Variants in MRPL3 observed in about 807,000 individuals in gnomAD.
MRPL3 encodes large ribosomal subunit protein uL3m.
Under a neutral mutation model 44.3 loss-of-function variants are expected in MRPL3, and 43 were observed. That is an observed-to-expected ratio of 0.97 (90% confidence interval 0.76 to 1.25). MRPL3 has a LOEUF of 1.25. Among genes scored for constraint, MRPL3 ranks in the 50% most tolerant of loss-of-function variants. MRPL3 has a pLI of 0.00. For synonymous variants in MRPL3, 171 were observed against 152.3 expected, an observed-to-expected ratio of 1.12 and a Z score of -0.91; for missense variants, 406 against 427.6, an observed-to-expected ratio of 0.95 and a Z score of 0.45.
At chr3:131,479,944 T>TA (rs1424533947) in intron 6 of MRPL3, among the ~76,000 whole-genome samples, 2 of 152,202 alleles carry the variant, frequency 1.3e-5, no homozygotes, top group East Asian at 3.9e-4. Flanking sequence ...TCTGGTAGGA[T>TA]ATAATAATCA....
intron 7 of MRPL3, among the ~76,000 whole-genome samples, chr3:131,470,538 C>T (rs1173594788): frequency 2.0e-5 from 3 of 152,044 alleles, no homozygotes; most frequent in Non-Finnish European, 4.4e-5. Context: ...CTGAGTATTA[C>T]AGACTAAGTA....
At chr3:131,475,610 A>T (rs974709179) in intron 6 of MRPL3, among the ~76,000 whole-genome samples, 2 of 152,252 alleles carry the variant, frequency 1.3e-5, no homozygotes, top group Non-Finnish European at 2.9e-5. Flanking sequence ...CTTCACATTA[A>T]GCCTGTGAAC....
intron 5 of MRPL3, chr3:131,488,637 T>C (rs554618405): frequency 1.0e-3 from 158 of 152,202 alleles, no homozygotes; most frequent in African/African-American, 3.6e-3. Context: ...TCAAATAAGA[T>C]ACATTTTTTT....
intron 9 of MRPL3, among the ~76,000 whole-genome samples, chr3:131,467,747 T>C (rs1933645246): frequency 6.6e-6 from 1 of 152,164 alleles, no homozygotes; most frequent in African/African-American, 2.4e-5. Context: ...CTTTTATTTA[T>C]AAATTACCCA....
chr3:131,464,500 A>T (rs765532886), intron 9 of MRPL3, among the ~76,000 whole-genome samples: 1 of 152,120 alleles, frequency 6.6e-6, no homozygotes, highest in Non-Finnish European at 1.5e-5. Context: ...AGACTCCCTC[A>T]ATTATCTACC....
At chr3:131,463,932 G>A (rs1037610581) in intron 9 of MRPL3, among the ~76,000 whole-genome samples, 1 of 152,054 alleles carries the variant, frequency 6.6e-6, no homozygotes, top group Non-Finnish European at 1.5e-5. Flanking sequence ...TGAATAATTT[G>A]GTTGAAATAA....
intron 6 of MRPL3, among the ~76,000 whole-genome samples, chr3:131,485,705 T>C (rs1305458639): frequency 6.6e-6 from 1 of 152,150 alleles, no homozygotes; most frequent in African/African-American, 2.4e-5. Flanking sequence ...ACTCATCTTA[T>C]TACCAATCTA....
chr3:131,479,167 A>G, intron 6 of MRPL3: 1 of 519,118 alleles, frequency 1.9e-6, no homozygotes, highest in Non-Finnish European at 3.8e-6. Flanking sequence ...ACTCCAAATT[A>G]TTCTTGCATA....
In MRPL3 at chr3:131,462,827, G is replaced by A; in HGVS notation, c.943C>T (p.Pro315Ser). The A allele has an allele frequency of 6.2e-7, 1 of 1,612,206 alleles. No individual in the cohort carries two copies. Among genetic ancestry groups the A allele is most frequent in the Non-Finnish European group, 8.5e-7 (1 of 1,178,856 alleles). ...CCATCAGGAAAATATGTAGGGAATG[G>A]TAGATTTTTACCGAGATCCTTATAT... is the stretch of plus-strand genomic sequence containing the variant. ...PAYKDLGKNL[P>S]FPTYFPDGDE... Residue 315 changes from proline to serine, a missense_variant, in exon 10 of 10, where the codon CCA becomes TCA. Coordinates refer to ENST00000264995, the MANE Select transcript of MRPL3 (RefSeq NM_007208.4).
At chr3:131,483,437 T>C (rs1454838536) in intron 6 of MRPL3, among the ~76,000 whole-genome samples, 1 of 152,192 alleles carries the variant, frequency 6.6e-6, no homozygotes, top group African/African-American at 2.4e-5. Flanking sequence ...CCATACAATC[T>C]AAATAAAATT....
chr3:131,493,458 ATGC>A (rs1934301524), intron 4 of MRPL3, among the ~76,000 whole-genome samples: 1 of 152,240 alleles, frequency 6.6e-6, no homozygotes, highest in Non-Finnish European at 1.5e-5. Flanking sequence ...GTTGGTCAGC[ATGC>A]TGACCTGTGA....
chr3:131,487,439 A>T, intron 6 of MRPL3: 1 of 383,192 alleles, frequency 2.6e-6, no homozygotes, highest in Non-Finnish European at 4.7e-6. Flanking sequence ...CCTAGAACTT[A>T]AAGTATAATA....
At position 131,476,969 on chromosome 3, in the gene MRPL3, C is replaced by T. The variant is rs572801091; in HGVS notation, c.630-5690G>A. Reference sequence around the variant, plus strand: ...GATGGTTTGAAGAAAAGGGGAGAAGCTTAAAGGTATGGCTAATAATCCTGC... The same window carrying T: ...GATGGTTTGAAGAAAAGGGGAGAAGTTTAAAGGTATGGCTAATAATCCTGC... On this transcript the variant is annotated intron_variant, in intron 6 of 9. Transcript: ENST00000264995. 7.9e-5 allele frequency among the ~76,000 whole-genome samples: 12 copies of T among 152,280 alleles called. 1 individual carries two copies. The highest frequency in any genetic ancestry group is 2.9e-4 in the African/African-American group (12 of 41,564).
At chr3:131,477,004 T>C (rs1250690562) in intron 6 of MRPL3, among the ~76,000 whole-genome samples, 3 of 152,162 alleles carry the variant, frequency 2.0e-5, no homozygotes, top group African/African-American at 7.2e-5. Context: ...CAGAAGGGAA[T>C]GCACAATTTA....
intron 4 of MRPL3, among the ~76,000 whole-genome samples, chr3:131,492,918 T>G (rs1293161687): frequency 6.6e-6 from 1 of 152,206 alleles, no homozygotes. Flanking sequence ...TTATAATTCC[T>G]GGGTCTTCCC....
chr3:131,462,613 T>C lies in MRPL3; in HGVS notation c.*110A>G. On this transcript the variant is annotated 3_prime_UTR_variant, in exon 10 of 10. Coordinates refer to ENST00000264995, the MANE Select transcript of MRPL3 (RefSeq NM_007208.4). ...TTATGCCCTTGACAAAGATGACATGTGTGATTTTGTTGTGACTAAGAAAGG... is the reference window on the plus strand; with the variant it reads ...TTATGCCCTTGACAAAGATGACATGCGTGATTTTGTTGTGACTAAGAAAGG... 9.7e-7 allele frequency: 1 copy of C among 1,036,258 alleles called. No homozygotes were observed. The highest frequency in any genetic ancestry group is 1.4e-6 in the Non-Finnish European group (1 of 732,078). 64.2% of individuals were successfully genotyped at this position (1,036,258 alleles called of 1,614,324 possible).
chr3:131,473,229 G>A (rs1411235780), intron 6 of MRPL3, among the ~76,000 whole-genome samples: 2 of 152,026 alleles, frequency 1.3e-5, no homozygotes, highest in Non-Finnish European at 2.9e-5. Flanking sequence ...CAGAACAACG[G>A]AACAGAACAG....
chr3:131,477,794 C>T (rs963635124), intron 6 of MRPL3, among the ~76,000 whole-genome samples: 1 of 152,200 alleles, frequency 6.6e-6, no homozygotes, highest in African/African-American at 2.4e-5. Context: ...AATTTCTTAA[C>T]ATCGGTGTTT....
In MRPL3 at chr3:131,501,639, T is replaced by C; in HGVS notation, c.169A>G (p.Asn57Asp). 8.1e-6 allele frequency: 13 copies of C among 1,613,470 alleles called. No homozygotes were observed. Among genetic ancestry groups the C allele is most frequent in the Non-Finnish European group, 1.1e-5 (13 of 1,179,982 alleles). ...ACCAACTGCTTAATGAATGGGACATTTTCTTCAGAAAGATGCTCATCCCAC... is the reference window on the plus strand; with the variant it reads ...ACCAACTGCTTAATGAATGGGACATCTTCTTCAGAAAGATGCTCATCCCAC... ...TWWDEHLSEENVPFIKQLVSD... is the reference protein window; with the variant it reads ...TWWDEHLSEEDVPFIKQLVSD... Residue 57 changes from asparagine (N) to aspartate (D), a missense_variant, in exon 2 of 10, where the codon AAT becomes GAT. Coordinates refer to ENST00000264995, the MANE Select transcript of MRPL3 (RefSeq NM_007208.4).
Sources: gnomAD v4.1 joint callset for allele counts (sites outside exome capture counted in the v4.1 genomes callset) on GRCh38, gnomAD v4.1.1 for gene constraint, MANE v1.5 for transcripts, NCBI Gene and HGNC (gene_info 2026-07-23, HGNC 2026-07-21) for gene names.